LRRC8B: variants seen among roughly 807,000 people sequenced by gnomAD.
LRRC8B encodes the protein volume-regulated anion channel subunit LRRC8B.
LRRC8B carries 23 observed loss-of-function variants against 58.8 expected under a neutral mutation model. The ratio of observed to expected loss-of-function variants is 0.39; its 90% confidence interval spans 0.28 to 0.55. The LOEUF (loss-of-function observed/expected upper bound fraction) is 0.55, where lower values mean the gene tolerates loss of function less well. LRRC8B is among the 20% of genes least tolerant of loss of function. The probability of loss-of-function intolerance (pLI) is 0.62; values close to 1 mark genes in which losing one functional copy is unlikely to be tolerated. For missense variants in LRRC8B, 694 were observed against 936.0 expected, an observed-to-expected ratio of 0.74 and a Z score of 3.37; for synonymous variants, 359 against 374.1, an observed-to-expected ratio of 0.96 and a Z score of 0.47.
At position 89,577,818 on chromosome 1, in the gene LRRC8B, A is replaced by AAACCCAGTTATAATGCAGTTAT. The variant is rs561357633; in HGVS notation, c.-124-1754_-124-1733dup. On this transcript the variant is annotated intron_variant, in intron 3 of 5. Transcript: ENST00000330947. ...GAAAACTACATTTGCATCCTTATTC[A>AAACCCAGTTATAATGCAGTTAT]AACCCAGTTATAATGCAGTTATAAC... 5.9e-3 allele frequency among the ~76,000 whole-genome samples: 892 copies of AAACCCAGTTATAATGCAGTTAT among 152,280 alleles called. 10 individuals are homozygous for AAACCCAGTTATAATGCAGTTAT. The highest frequency in any genetic ancestry group is 5.9e-3 in the Non-Finnish European group (400 of 68,012).
At chr1:89,537,206 A>T (rs1053524892) in intron 1 of LRRC8B, among the ~76,000 whole-genome samples, 2 of 152,306 alleles carry the variant, frequency 1.3e-5, no homozygotes, top group African/African-American at 4.8e-5. Context: ...TGGCACTACG[A>T]TCATGCTATA....
chr1:89,534,442 C>T (rs533802805), intron 1 of LRRC8B, among the ~76,000 whole-genome samples: 1 of 152,180 alleles, frequency 6.6e-6, no homozygotes, highest in South Asian at 2.1e-4. Flanking sequence ...TTTTATTCCT[C>T]TTCTGTAAAA....
At chr1:89,556,134 G>A (rs1263362112) in intron 1 of LRRC8B, among the ~76,000 whole-genome samples, 2 of 152,026 alleles carry the variant, frequency 1.3e-5, no homozygotes, top group South Asian at 2.1e-4. Context: ...AGTCACTAAC[G>A]GCCAATGTTA....
chr1:89,541,105 T>C (rs879488224), intron 1 of LRRC8B, among the ~76,000 whole-genome samples: 5 of 152,114 alleles, frequency 3.3e-5, no homozygotes, highest in Non-Finnish European at 5.9e-5. Context: ...GGGAAAAGAT[T>C]TGGGGGAAGT....
At chr1:89,542,273 A>T (rs1406361170) in intron 1 of LRRC8B, among the ~76,000 whole-genome samples, 2 of 152,196 alleles carry the variant, frequency 1.3e-5, no homozygotes, top group East Asian at 3.9e-4. Flanking sequence ...TCAGTCTCCT[A>T]TGAGTTTCAG....
rs1043645394 is a variant in LRRC8B at position 89,524,886 on chromosome 1, C to A, written c.-377C>A. On this transcript the variant is annotated 5_prime_UTR_variant, in exon 1 of 6. Coordinates refer to ENST00000330947, the MANE Select transcript of LRRC8B (RefSeq NM_001369817.2). Reference sequence around the variant, plus strand: ...AGCCGGTCGGAGGCGGCGAGCCGGACAGCGCCGGGGCTTCCCGCTGAGCCC... The same window carrying A: ...AGCCGGTCGGAGGCGGCGAGCCGGAAAGCGCCGGGGCTTCCCGCTGAGCCC... 6.6e-6 allele frequency: 1 copy of A among 152,266 alleles called. No homozygotes were observed. Among genetic ancestry groups the A allele is most frequent in the African/African-American group, 2.4e-5 (1 of 41,456 alleles). The allele number at this position is 152,266 out of a possible 1,614,324, so 9.4% of individuals were successfully genotyped here.
intron 1 of LRRC8B, among the ~76,000 whole-genome samples, chr1:89,530,204 A>G (rs1342339920): frequency 6.6e-6 from 1 of 151,382 alleles, no homozygotes; most frequent in Admixed American, 6.6e-5. Context: ...CAAAAAAAAA[A>G]AAAAATTAGC....
intron 5 of LRRC8B, chr1:89,588,140 C>T (rs938209150): frequency 2.0e-5 from 3 of 152,200 alleles, no homozygotes; most frequent in African/African-American, 4.8e-5. Flanking sequence ...GTGAGCTCTA[C>T]TACCCACCAA....
intron 1 of LRRC8B, among the ~76,000 whole-genome samples, chr1:89,525,600 C>G (rs764366730): frequency 2.0e-4 from 31 of 152,184 alleles, no homozygotes; most frequent in Non-Finnish European, 1.3e-4. Flanking sequence ...AAAGGGCAAG[C>G]GTTACCAATT....
chr1:89,565,131 G>A (rs1433612602), intron 1 of LRRC8B, among the ~76,000 whole-genome samples: 1 of 152,206 alleles, frequency 6.6e-6, no homozygotes, highest in Non-Finnish European at 1.5e-5. Context: ...AGGCTCTCAG[G>A]AGACTAGAAA....
In LRRC8B at chr1:89,560,801, C is replaced by G. The variant is rs74840968; in HGVS notation, c.-240-7446C>G. On this transcript the variant is annotated intron_variant, in intron 1 of 5. Coordinates refer to ENST00000330947, the MANE Select transcript of LRRC8B (RefSeq NM_001369817.2). ...CAGTCTATCATTGTTGGACATTTGG[C>G]TTGGTTCCAAGTCTTTGCTATTGTG... Among the ~76,000 whole-genome samples, 148 of 151,148 alleles carry G rather than the reference C, an allele frequency of 9.8e-4. 1 individual carries two copies. Among genetic ancestry groups the G allele is most frequent in the Middle Eastern group, 6.9e-3 (2 of 290 alleles).
At chr1:89,565,060 G>C (rs1286872966) in intron 1 of LRRC8B, among the ~76,000 whole-genome samples, 2 of 152,188 alleles carry the variant, frequency 1.3e-5, no homozygotes, top group African/African-American at 4.8e-5. Context: ...AATATTGTCA[G>C]CTCAATCATA....
intron 1 of LRRC8B, among the ~76,000 whole-genome samples, chr1:89,555,626 G>A (rs1235081484): frequency 6.6e-6 from 1 of 152,164 alleles, no homozygotes; most frequent in Non-Finnish European, 1.5e-5. Flanking sequence ...AAGGGATAGA[G>A]AACTACAGGA....
chr1:89,589,908 A>G (rs1243778642), intron 5 of LRRC8B, among the ~76,000 whole-genome samples: 1 of 144,570 alleles, frequency 6.9e-6, no homozygotes, highest in East Asian at 2.0e-4. Context: ...CGGGGACTTC[A>G]ATTCATTTTG....
In LRRC8B at chr1:89,582,848, T is replaced by C; in HGVS notation, c.198T>C (p.Cys66=). 6.2e-7 allele frequency: 1 copy of C among 1,614,252 alleles called. No individual in the cohort carries two copies. Among genetic ancestry groups the C allele is most frequent in the Non-Finnish European group, 8.5e-7 (1 of 1,180,046 alleles). Reference sequence around the variant, plus strand: ...GCAAAGTGGAATTTGACAATCACTGTGCCGTGCCTTGGGACATCCTGAAAG... The same window carrying C: ...GCAAAGTGGAATTTGACAATCACTGCGCCGTGCCTTGGGACATCCTGAAAG... The part of the protein sequence containing the change: ...LPCKVEFDNH[C]AVPWDILKAS... The change falls in exon 5 of 6, where the codon TGT becomes TGC. Residue 66 remains cysteine (C), a synonymous_variant. Transcript: ENST00000330947.
intron 1 of LRRC8B, among the ~76,000 whole-genome samples, chr1:89,530,696 G>A (rs1207754602): frequency 6.6e-6 from 1 of 152,230 alleles, no homozygotes; most frequent in Non-Finnish European, 1.5e-5. Context: ...TGGGAAGTAT[G>A]AGCAGTGTGT....
intron 3 of LRRC8B, among the ~76,000 whole-genome samples, chr1:89,576,185 A>G (rs1332237529): frequency 6.6e-6 from 1 of 152,162 alleles, no homozygotes; most frequent in African/African-American, 2.4e-5. Flanking sequence ...TCCATAGCTC[A>G]GTGATTCACT....
chr1:89,583,450 TTTTG>T lies in LRRC8B; in HGVS notation c.806_809del (p.Phe269CysfsTer4). The T allele has an allele frequency of 6.2e-7, 1 of 1,614,112 alleles. No homozygotes were observed. The highest frequency in any genetic ancestry group is 8.5e-7 in the Non-Finnish European group (1 of 1,180,008). The stretch of plus-strand genomic sequence containing the variant: ...CTGAAACAGATAATAGTCAAAGTCA[TTTTG>T]TTTGTGCTCATCATAACTTATGTTC... On this transcript the variant is annotated frameshift_variant, in exon 5 of 6. Coordinates refer to ENST00000330947, the MANE Select transcript of LRRC8B (RefSeq NM_001369817.2). LOFTEE classifies it high-confidence loss of function. This position sits in a 1 kb window ranked among gnomAD's most constrained non-coding sequence, Gnocchi z 5.2.
intron 1 of LRRC8B, among the ~76,000 whole-genome samples, chr1:89,546,573 A>G (rs539692754): frequency 6.6e-6 from 1 of 152,266 alleles, no homozygotes; most frequent in South Asian, 2.1e-4. Flanking sequence ...AAGTCTCTCT[A>G]CTACTCCCTT....
Sources: gnomAD v4.1 joint callset for allele counts (sites outside exome capture counted in the v4.1 genomes callset) on GRCh38, gnomAD v4.1.1 for gene constraint, Gnocchi (gnomAD v3.1) non-coding constraint, MANE v1.5 for transcripts, NCBI Gene and HGNC (gene_info 2026-07-23, HGNC 2026-07-21) for gene names.